PRKCE: variants seen among roughly 807,000 people sequenced by gnomAD.
The protein encoded by PRKCE is protein kinase C epsilon.
Under a neutral mutation model 85.4 loss-of-function variants are expected in PRKCE, and 16 were observed. The observed-to-expected ratio is 0.19, with a 90% CI of 0.13 to 0.28. The LOEUF (loss-of-function observed/expected upper bound fraction) is 0.28, where lower values mean the gene tolerates loss of function less well. Among genes scored for constraint, PRKCE ranks in the 10% least tolerant of loss-of-function variants. The probability of loss-of-function intolerance (pLI) is 1.00; values close to 1 mark genes in which losing one functional copy is unlikely to be tolerated. For synonymous variants in PRKCE, 388 were observed against 371.5 expected (o/e 1.04, Z -0.51); for missense variants, 573 against 975.2 (o/e 0.59, Z 5.49).
intron 10 of PRKCE, among the ~76,000 whole-genome samples, chr2:46,033,592 T>C (rs578023753): frequency 7.5e-4 from 114 of 152,290 alleles, no homozygotes; most frequent in African/African-American, 2.7e-3. Flanking sequence ...GATAGTGGCA[T>C]AGACACCTAC....
chr2:45,908,540 C>G (rs1001601976), intron 2 of PRKCE, among the ~76,000 whole-genome samples: 5 of 152,206 alleles, frequency 3.3e-5, no homozygotes, highest in African/African-American at 1.2e-4. Context: ...GCTGTGGCTT[C>G]TGCATTTCAA....
chr2:45,763,972 G>GC (rs1684716085), intron 1 of PRKCE, among the ~76,000 whole-genome samples: 1 of 152,118 alleles, frequency 6.6e-6, no homozygotes, highest in Non-Finnish European at 1.5e-5. Flanking sequence ...CCAGTCCTCT[G>GC]CCGTCTTGCT....
chr2:45,953,312 C>T (rs985135274), intron 2 of PRKCE, among the ~76,000 whole-genome samples: 84 of 152,304 alleles, frequency 5.5e-4, no homozygotes, highest in African/African-American at 1.5e-3. Context: ...GACCTACCCA[C>T]GGGTCACATA....
At position 46,170,993 on chromosome 2, in the gene PRKCE, G is replaced by A. The variant is rs1391872044; in HGVS notation, c.2067+11241G>A. 4.6e-5 allele frequency among the ~76,000 whole-genome samples: 7 copies of A among 152,274 alleles called. No individual in the cohort carries two copies. In the East Asian group the frequency reaches 5.8e-4, roughly 13 times the overall value. ...ACCCAACAGCTGTCAGCAATAAGAC[G>A]GCTTTAAAAAGTAGATGATAAATGA... On this transcript the variant is annotated intron_variant, in intron 14 of 14. Coordinates refer to ENST00000306156, the MANE Select transcript of PRKCE (RefSeq NM_005400.3).
intron 2 of PRKCE, among the ~76,000 whole-genome samples, chr2:45,853,255 T>C (rs1347895739): frequency 1.3e-5 from 2 of 152,166 alleles, no homozygotes; most frequent in African/African-American, 4.8e-5. Flanking sequence ...TCATTCTGGC[T>C]TTCATAGTTT....
At chr2:46,121,067 G>A (rs1673269457) in intron 11 of PRKCE, among the ~76,000 whole-genome samples, 1 of 152,182 alleles carries the variant, frequency 6.6e-6, no homozygotes, top group African/African-American at 2.4e-5. Flanking sequence ...GGACTACTTG[G>A]ATTCATTCCC....
intron 1 of PRKCE, among the ~76,000 whole-genome samples, chr2:45,696,359 T>A (rs1678150764): frequency 6.6e-6 from 1 of 152,196 alleles, no homozygotes. Flanking sequence ...CCTTTTTTTA[T>A]AATTAAATAA....
intron 1 of PRKCE, among the ~76,000 whole-genome samples, chr2:45,788,576 T>C (rs1157483544): frequency 6.6e-6 from 1 of 152,194 alleles, no homozygotes; most frequent in Non-Finnish European, 1.5e-5. Flanking sequence ...CTCCATTGCC[T>C]CTAATTTACT....
chr2:46,107,306 C>T (rs926214091), intron 11 of PRKCE, among the ~76,000 whole-genome samples: 5 of 152,296 alleles, frequency 3.3e-5, no homozygotes, highest in Middle Eastern at 3.4e-3. Flanking sequence ...TAAGATTCAT[C>T]TATGTCTTTT....
intron 2 of PRKCE, among the ~76,000 whole-genome samples, chr2:45,916,301 G>A (rs1697772250): frequency 6.8e-6 from 1 of 147,920 alleles, no homozygotes; most frequent in South Asian, 2.1e-4. Context: ...GTGTAGTGGT[G>A]TGAACACGGC....
At position 45,939,056 on chromosome 2, in the gene PRKCE, C is replaced by A. The variant is rs1347270066; in HGVS notation, c.413-37373C>A. On this transcript the variant is annotated intron_variant, in intron 2 of 14. Coordinates refer to ENST00000306156, the MANE Select transcript of PRKCE (RefSeq NM_005400.3). ...CCCAGTGAAATCCAGCCCACAGCAC[C>A]CTGCCAGGGTGGAGGAGGTGCCGGG... Among the ~76,000 whole-genome samples the A allele has an allele frequency of 2.0e-5, 3 of 152,330 alleles. No individual in the cohort carries two copies. The East Asian group carries it at 5.8e-4, about 29-fold the overall frequency.
At chr2:45,656,562 A>T (rs1407887214) in intron 1 of PRKCE, among the ~76,000 whole-genome samples, 1 of 152,244 alleles carries the variant, frequency 6.6e-6, no homozygotes, top group African/African-American at 2.4e-5. Context: ...GTTTTCCAAG[A>T]ACCAGTTAAT....
chr2:46,164,900 A>C (rs1180905831), intron 14 of PRKCE: 1 of 152,280 alleles, frequency 6.6e-6, no homozygotes, highest in East Asian at 1.9e-4. Context: ...ATTCCTGCAC[A>C]GGAAGCCTCG....
intron 1 of PRKCE, among the ~76,000 whole-genome samples, chr2:45,688,496 G>A (rs1173100455): frequency 1.3e-5 from 2 of 152,070 alleles, no homozygotes; most frequent in Non-Finnish European, 2.9e-5. Context: ...ACCATTCTGT[G>A]AGTTTATAAG....
chr2:45,955,017 G>A (rs552993559), intron 2 of PRKCE, among the ~76,000 whole-genome samples: 10 of 152,194 alleles, frequency 6.6e-5, no homozygotes, highest in African/African-American at 2.4e-4. Flanking sequence ...AATCTTAAGG[G>A]CTACTTTTCC....
intron 10 of PRKCE, among the ~76,000 whole-genome samples, chr2:46,081,322 A>C (rs1208813322): frequency 6.6e-6 from 1 of 152,038 alleles, no homozygotes. Context: ...TAGCCCCCTA[A>C]CCTTTTTTGT....
intron 10 of PRKCE, among the ~76,000 whole-genome samples, chr2:46,063,348 G>GAA (rs547596116): frequency 8.5e-5 from 10 of 118,022 alleles, no homozygotes; most frequent in African/African-American, 1.2e-4. Context: ...AAGTTGAACA[G>GAA]AAAAAAAAAA....
intron 2 of PRKCE, among the ~76,000 whole-genome samples, chr2:45,966,282 G>A (rs1455554039): frequency 1.3e-5 from 2 of 152,218 alleles, no homozygotes; most frequent in Non-Finnish European, 2.9e-5. Flanking sequence ...GCAGGTGCCT[G>A]TGATGCTCCC....
intron 1 of PRKCE, among the ~76,000 whole-genome samples, chr2:45,823,346 G>T (rs1269056588): frequency 6.6e-6 from 1 of 152,216 alleles, no homozygotes; most frequent in Non-Finnish European, 1.5e-5. Flanking sequence ...AACTGGAATT[G>T]GTTGGAAAAT....
Sources: allele counts gnomAD v4.1 joint callset (sites outside exome capture counted in the v4.1 genomes callset), GRCh38; gene constraint gnomAD v4.1.1; transcripts MANE v1.5; gene names NCBI Gene and HGNC (gene_info 2026-07-23, HGNC 2026-07-21).